The following GRIN2B variants were observed in gnomAD, a reference collection of about 807,000 sequenced individuals.
The protein encoded by GRIN2B is glutamate ionotropic receptor NMDA type subunit 2B.
GRIN2B carries 5 observed loss-of-function variants against 114.5 expected under a neutral mutation model. The ratio of observed to expected loss-of-function variants is 0.04; its 90% CI spans 0.02 to 0.09. The LOEUF is 0.09. Ranked by LOEUF, GRIN2B falls within the 10% of genes least tolerant of loss-of-function variation. GRIN2B has a pLI of 1.00. For synonymous variants in GRIN2B, 787 were observed against 745.1 expected (o/e 1.06, Z -0.92); for missense variants, 1,108 against 1,943.5 (o/e 0.57, Z 8.08).
At chr12:13,613,587 C>T (rs1949394895) in intron 8 of GRIN2B, among the ~76,000 whole-genome samples, 1 of 152,056 alleles carries the variant, frequency 6.6e-6, no homozygotes, top group Non-Finnish European at 1.5e-5. Flanking sequence ...TCTGAAACGG[C>T]CTTATTTGTA....
At chr12:13,918,028 C>T (rs1866761929) in intron 2 of GRIN2B, among the ~76,000 whole-genome samples, 1 of 151,960 alleles carries the variant, frequency 6.6e-6, no homozygotes, top group South Asian at 2.1e-4. Flanking sequence ...AATTCAGGTC[C>T]CCAGAAACTG....
At chr12:13,734,267 C>A (rs970916306) in intron 4 of GRIN2B, among the ~76,000 whole-genome samples, 1 of 152,140 alleles carries the variant, frequency 6.6e-6, no homozygotes, top group African/African-American at 2.4e-5. Flanking sequence ...AATCTAGGCA[C>A]AAGCTAATGA....
intron 5 of GRIN2B, among the ~76,000 whole-genome samples, chr12:13,629,951 G>A (rs916538457): frequency 1.1e-4 from 16 of 152,202 alleles, no homozygotes; most frequent in Admixed American, 7.9e-4. Context: ...TCCTTCCTTT[G>A]TACTGCCAAA....
At chr12:13,895,020 T>C (rs1054775216) in intron 2 of GRIN2B, among the ~76,000 whole-genome samples, 1 of 152,208 alleles carries the variant, frequency 6.6e-6, no homozygotes, top group African/African-American at 2.4e-5. Context: ...TGCTGCACCC[T>C]CATTTGTGTG....
intron 3 of GRIN2B, among the ~76,000 whole-genome samples, chr12:13,849,565 G>A (rs970883435): frequency 3.9e-5 from 6 of 152,094 alleles, no homozygotes; most frequent in East Asian, 1.9e-4. Context: ...TCAGAGGGGC[G>A]GTGGGGGAAA....
chr12:13,978,107 C>G (rs546141158), intron 2 of GRIN2B, among the ~76,000 whole-genome samples: 1 of 152,320 alleles, frequency 6.6e-6, no homozygotes, highest in African/African-American at 2.4e-5. Flanking sequence ...GGTGTTGTGG[C>G]ACTGGGGATG....
At chr12:13,875,085 C>T (rs1865974077) in intron 2 of GRIN2B, among the ~76,000 whole-genome samples, 1 of 152,140 alleles carries the variant, frequency 6.6e-6, no homozygotes, top group African/African-American at 2.4e-5. Context: ...CCCTCCCCAC[C>T]CCACAGGCCC....
At chr12:13,646,960 G>C (rs893531741) in intron 5 of GRIN2B, among the ~76,000 whole-genome samples, 2 of 152,144 alleles carry the variant, frequency 1.3e-5, no homozygotes, top group Admixed American at 6.6e-5. Context: ...GTTTCTAAAA[G>C]CTGAGGGTTG....
intron 2 of GRIN2B, among the ~76,000 whole-genome samples, chr12:13,869,549 G>A (rs2136751875): frequency 6.6e-6 from 1 of 152,192 alleles, no homozygotes; most frequent in South Asian, 2.1e-4. Flanking sequence ...TAAATTTCAT[G>A]CATTATTAGA....
chr12:13,792,420 G>A (rs932202370), intron 3 of GRIN2B, among the ~76,000 whole-genome samples: 3 of 152,192 alleles, frequency 2.0e-5, no homozygotes, highest in Non-Finnish European at 4.4e-5. Context: ...CTGGCCTGTG[G>A]GTCCTCAGGG....
intron 2 of GRIN2B, among the ~76,000 whole-genome samples, chr12:13,951,624 C>A (rs1159111497): frequency 6.6e-6 from 1 of 152,200 alleles, no homozygotes; most frequent in African/African-American, 2.4e-5. Flanking sequence ...ACTTCATGGA[C>A]ACTTAGCGTC....
chr12:13,607,766 T>C (rs1565474093), intron 10 of GRIN2B, among the ~76,000 whole-genome samples: 1 of 151,584 alleles, frequency 6.6e-6, no homozygotes, highest in East Asian at 1.9e-4. Context: ...TTCTAAATCT[T>C]AAGGAAATAG....
intron 2 of GRIN2B, among the ~76,000 whole-genome samples, chr12:13,900,374 C>G (rs1565580117): frequency 1.3e-5 from 2 of 151,872 alleles, no homozygotes; most frequent in Admixed American, 1.3e-4. Flanking sequence ...ACACAGGAGG[C>G]CAAGGCAGGA....
At chr12:13,608,550 T>C (rs1297940790) in intron 10 of GRIN2B, 53 bp downstream of exon 10, 1 of 1,332,584 alleles carries the variant, frequency 7.5e-7, no homozygotes, top group Non-Finnish European at 1.1e-6. Context: ...ACTTTGAGTA[T>C]GGCTGAGAAC....
At chr12:13,627,166 G>C (rs745995944) in intron 5 of GRIN2B, among the ~76,000 whole-genome samples, 1 of 152,140 alleles carries the variant, frequency 6.6e-6, no homozygotes, top group Non-Finnish European at 1.5e-5. Flanking sequence ...CTACTGAAAA[G>C]TAAATACAAG....
intron 3 of GRIN2B, among the ~76,000 whole-genome samples, chr12:13,860,160 T>C (rs1865729936): frequency 6.6e-6 from 1 of 152,050 alleles, no homozygotes; most frequent in Non-Finnish European, 1.5e-5. Context: ...CCAAACCCAC[T>C]GTCATTAAGC....
intron 4 of GRIN2B, among the ~76,000 whole-genome samples, chr12:13,735,102 T>C (rs1038472700): frequency 1.3e-5 from 2 of 152,224 alleles, no homozygotes; most frequent in African/African-American, 4.8e-5. Context: ...ATCCAGTGGA[T>C]AAAATAAGTC....
intron 2 of GRIN2B, among the ~76,000 whole-genome samples, chr12:13,908,675 TACA>T (rs1389999691): frequency 6.6e-6 from 1 of 152,126 alleles, no homozygotes; most frequent in African/African-American, 2.4e-5. Context: ...TCTCCTTCCC[TACA>T]ACATTTCAAA....
Position 13,558,320 on chromosome 12 carries a change from C to T in GRIN2B, c.*4463G>A, listed in dbSNP as rs1329588741. ...ATCATTCCTAACATACAAAAACAGA[C>T]ATTCACAGGGTGTCAAGCAATGACA... On this transcript the variant is annotated 3_prime_UTR_variant, in exon 14 of 14. Coordinates refer to ENST00000609686, the MANE Select transcript of GRIN2B (RefSeq NM_000834.5). The T allele has an allele frequency of 2.0e-5, 3 of 152,094 alleles. No individual in the cohort carries two copies. The highest frequency in any genetic ancestry group is 1.3e-4 in the Admixed American group (2 of 15,270). The allele number at this position is 152,094 out of a possible 1,614,324, so 9.4% of individuals were successfully genotyped here.
Sources: gnomAD v4.1 joint callset for allele counts (sites outside exome capture counted in the v4.1 genomes callset) on GRCh38, gnomAD v4.1.1 for gene constraint, MANE v1.5 for transcripts, NCBI Gene and HGNC (gene_info 2026-07-23, HGNC 2026-07-21) for gene names.